Variants in TTC21B observed in about 807,000 individuals in gnomAD.
TTC21B encodes tetratricopeptide repeat domain 21B, also known as tetratricopeptide repeat protein 21B.
TTC21B carries 127 observed loss-of-function variants against 175.1 expected under a neutral mutation model. The ratio of observed to expected loss-of-function variants is 0.73; its 90% CI spans 0.63 to 0.84. The LOEUF is 0.84. Ranked by LOEUF, TTC21B falls within the 40% of genes least tolerant of loss-of-function variation. The pLI is 0.00. For missense variants in TTC21B, 1,561 were observed against 1,558.3 expected, an observed-to-expected ratio of 1.00 and a Z score of -0.03; for synonymous variants, 524 against 524.5, an observed-to-expected ratio of 1.00 and a Z score of 0.01.
chr2:165,898,786 G>A lies in TTC21B; in HGVS notation c.2869-19C>T, dbSNP rs1172294916. ...CCATCATCTATAAAGATAAAAGTTGGTTCTAAAAATATTGCCATGTATTTT... is the reference window on the plus strand; with the variant it reads ...CCATCATCTATAAAGATAAAAGTTGATTCTAAAAATATTGCCATGTATTTT... On this transcript the variant is annotated intron_variant, in intron 21 of 28. Transcript: ENST00000243344. 6.5e-7 allele frequency: 1 copy of A among 1,544,784 alleles called. No individual in the cohort carries two copies. Among genetic ancestry groups the A allele is most frequent in the Non-Finnish European group, 8.9e-7 (1 of 1,117,560 alleles).
chr2:165,942,507 T>G (rs978059808), intron 5 of TTC21B, among the ~76,000 whole-genome samples: 1 of 152,136 alleles, frequency 6.6e-6, no homozygotes, highest in Non-Finnish European at 1.5e-5. Context: ...GCCAAAGGCC[T>G]TACAGAACAG....
intron 1 of TTC21B, among the ~76,000 whole-genome samples, chr2:165,952,376 A>T (rs1229290949): frequency 6.6e-6 from 1 of 152,210 alleles, no homozygotes; most frequent in Non-Finnish European, 1.5e-5. Flanking sequence ...AGCCAATTAG[A>T]TGTGATAGAC....
At chr2:165,900,090 A>G (rs1685506504) in intron 20 of TTC21B, among the ~76,000 whole-genome samples, 1 of 150,616 alleles carries the variant, frequency 6.6e-6, no homozygotes, top group African/African-American at 2.4e-5. Flanking sequence ...AGAAACAGGT[A>G]GTAACTCACT....
Position 165,873,508 on chromosome 2 carries a change from A to G in TTC21B, c.*1247T>C. On this transcript the variant is annotated 3_prime_UTR_variant, in exon 29 of 29. Coordinates refer to ENST00000243344, the MANE Select transcript of TTC21B (RefSeq NM_024753.5). ...TAGATTAGGTTAAATTTAGTGTAAG[A>G]GAGTGAAAGCTTCTATGCCAGGGTG... is the stretch of plus-strand genomic sequence containing the variant. 6.6e-6 allele frequency: 1 copy of G among 152,204 alleles called. No homozygotes were observed. Among genetic ancestry groups the G allele is most frequent in the East Asian group, 1.9e-4 (1 of 5,202 alleles). 9.4% of individuals were successfully genotyped at this position (152,204 alleles called of 1,614,324 possible).
At chr2:165,901,407 G>A (rs113485814) in intron 20 of TTC21B, among the ~76,000 whole-genome samples, 83 of 151,808 alleles carry the variant, frequency 5.5e-4, no homozygotes, top group African/African-American at 1.7e-3. Context: ...CAACCTCTCC[G>A]CCTCCCAGGT....
chr2:165,903,891 G>T (rs1412664476), intron 19 of TTC21B, among the ~76,000 whole-genome samples: 1 of 152,024 alleles, frequency 6.6e-6, no homozygotes, highest in Admixed American at 6.6e-5. Context: ...CTTAAGATTT[G>T]TCTCTTTGTC....
intron 19 of TTC21B, among the ~76,000 whole-genome samples, chr2:165,902,806 G>T (rs1322843506): frequency 6.6e-6 from 1 of 152,176 alleles, no homozygotes; most frequent in Admixed American, 6.5e-5. Flanking sequence ...TAGATAGAAT[G>T]ATCTCTGTCT....
At chr2:165,934,319 C>A (rs993756210) in intron 6 of TTC21B, among the ~76,000 whole-genome samples, 1 of 150,898 alleles carries the variant, frequency 6.6e-6, no homozygotes, top group South Asian at 2.1e-4. Flanking sequence ...AAGAGAAACA[C>A]GGAGAACTCC....
At chr2:165,877,597 T>C (rs1213465092) in intron 27 of TTC21B, among the ~76,000 whole-genome samples, 1 of 152,220 alleles carries the variant, frequency 6.6e-6, no homozygotes, top group Non-Finnish European at 1.5e-5. Context: ...TGTGTAAGTA[T>C]ACTCTAAGAT....
Position 165,912,597 on chromosome 2 carries a change from G to C in TTC21B, c.2239C>G (p.Gln747Glu). The change falls in exon 17 of 29, where the codon CAA becomes GAA. Residue 747 changes from glutamine to glutamate, a missense_variant. Transcript: ENST00000243344. Reference protein sequence around the residue: ...EPEEAIVAYEQALNQNPKDGT... With the variant: ...EPEEAIVAYEEALNQNPKDGT... ...TCTTTCGGGTTCTGATTTAATGCTTGCTCATATGCTACTATGGCTTCTTCA... is the reference window on the plus strand; with the variant it reads ...TCTTTCGGGTTCTGATTTAATGCTTCCTCATATGCTACTATGGCTTCTTCA... The C allele has an allele frequency of 6.2e-7, 1 of 1,614,020 alleles. No individual in the cohort carries two copies. The highest frequency in any genetic ancestry group is 8.5e-7 in the Non-Finnish European group (1 of 1,179,980).
intron 6 of TTC21B, chr2:165,934,179 T>C (rs1335122128): frequency 6.6e-6 from 1 of 151,928 alleles, no homozygotes; most frequent in Admixed American, 6.6e-5. Flanking sequence ...GGAAAGAAAA[T>C]TTTTTTTCCC....
rs79572907 is a variant in TTC21B, at chr2:165,873,550, G to C, written c.*1205C>G. 3.0e-4 allele frequency: 45 copies of C among 152,206 alleles called. No homozygotes were observed. The highest frequency in any genetic ancestry group is 5.3e-4 in the Non-Finnish European group (36 of 68,012). 9.4% of individuals were successfully genotyped at this position (152,206 alleles called of 1,614,324 possible). A position where few individuals can be genotyped will look rare whatever the true frequency, so the allele number is the denominator to read the frequency against. On this transcript the variant is annotated 3_prime_UTR_variant, in exon 29 of 29. Coordinates refer to ENST00000243344, the MANE Select transcript of TTC21B (RefSeq NM_024753.5). ...GCCAGGGTGCTGTTAAACAGAGCTGGGTAAACCGTTGCCTTCACATGGTGT... is the reference window on the plus strand; with the variant it reads ...GCCAGGGTGCTGTTAAACAGAGCTGCGTAAACCGTTGCCTTCACATGGTGT...
intron 12 of TTC21B, 137 bp downstream of exon 12, chr2:165,924,412 A>G (rs1378052028): frequency 9.2e-6 from 7 of 763,486 alleles, no homozygotes; most frequent in Non-Finnish European, 1.4e-5. Flanking sequence ...TTTTGGATTA[A>G]AATTACTTAT....
At position 165,931,755 on chromosome 2, in the gene TTC21B, C is replaced by T. The variant is rs1187084352; in HGVS notation, c.894+3G>A. The T allele has an allele frequency of 6.2e-7, 1 of 1,611,608 alleles. No individual in the cohort carries two copies. Among genetic ancestry groups the T allele is most frequent in the South Asian group, 1.1e-5 (1 of 91,016 alleles). On this transcript the variant is annotated splice_donor_region_variant and intron_variant, in intron 8 of 28. Coordinates refer to ENST00000243344, the MANE Select transcript of TTC21B (RefSeq NM_024753.5). ...AGCTCTGGTACATGGTAGGCACTCT[C>T]ACAGTTCTGCTGAAGGCGAGTGTAA...
rs1685995085 is a variant in TTC21B at position 165,912,607 on chromosome 2, T to C, written c.2229A>G (p.Val743=). The change falls in exon 17 of 29, where the codon GTA becomes GTG. Residue 743 remains valine (V), a synonymous_variant. Transcript: ENST00000243344. ...TCTGATTTAATGCTTGCTCATATGC[T>C]ACTATGGCTTCTTCAGGCTAATATT... ...MNILEPEEAI[V]AYEQALNQNP... The C allele has an allele frequency of 6.2e-7, 1 of 1,614,080 alleles. No homozygotes were observed.
At chr2:165,926,297 T>A (rs1050354527) in intron 11 of TTC21B, among the ~76,000 whole-genome samples, 3 of 152,298 alleles carry the variant, frequency 2.0e-5, no homozygotes, top group Non-Finnish European at 2.9e-5. Flanking sequence ...GATAGAGAAA[T>A]CCATTAAAAC....
chr2:165,888,389 G>A lies in TTC21B; in HGVS notation c.3349C>T (p.Gln1117Ter). ...LLKELKPQTV[Q>*]GHVQLRIMEN... ...ATTATGCGAAGCTGTACGTGACCCTGAACAGTCTGAGGTTTTAGTTCCTTA... is the reference window on the plus strand; with the variant it reads ...ATTATGCGAAGCTGTACGTGACCCTAAACAGTCTGAGGTTTTAGTTCCTTA... Residue 1117 changes from glutamine (Q) to a stop codon, truncating the protein, a stop_gained, in exon 25 of 29, where the codon CAG becomes TAG. Coordinates refer to ENST00000243344, the MANE Select transcript of TTC21B (RefSeq NM_024753.5). LOFTEE classifies it high-confidence loss of function. 2.5e-6 allele frequency: 4 copies of A among 1,613,754 alleles called. No individual in the cohort carries two copies. The highest frequency in any genetic ancestry group is 3.4e-6 in the Non-Finnish European group (4 of 1,179,786).
intron 25 of TTC21B, among the ~76,000 whole-genome samples, chr2:165,887,463 C>T (rs907318049): frequency 2.0e-5 from 3 of 151,878 alleles, no homozygotes; most frequent in African/African-American, 4.8e-5. Flanking sequence ...CCGAGATAGG[C>T]GGATCACCTG....
At position 165,911,350 on chromosome 2, in the gene TTC21B, T is replaced by C. The variant is rs757173651; in HGVS notation, c.2438A>G (p.Gln813Arg). The change falls in exon 18 of 29, where the codon CAG becomes CGG. Residue 813 changes from glutamine (Q) to arginine (R), a missense_variant. By Grantham distance (43) the Gln-to-Arg change is conservative. Transcript: ENST00000243344. The part of the protein sequence containing the change: ...KWYDKAEKVL[Q>R]HALAHEPVNE... Reference sequence around the variant, plus strand: ...ACCAGGTTCATGAGCCAGAGCATGCTGAAGAACTTTTTCTGCTTTGTCATA... The same window carrying C: ...ACCAGGTTCATGAGCCAGAGCATGCCGAAGAACTTTTTCTGCTTTGTCATA... 1 of 1,613,902 alleles carries C rather than the reference T, an allele frequency of 6.2e-7. No homozygotes were observed. Among genetic ancestry groups the C allele is most frequent in the Non-Finnish European group, 8.5e-7 (1 of 1,179,886 alleles).
Sources: allele counts gnomAD v4.1 joint callset (sites outside exome capture counted in the v4.1 genomes callset), GRCh38; gene constraint gnomAD v4.1.1; transcripts MANE v1.5; gene names NCBI Gene and HGNC (gene_info 2026-07-23, HGNC 2026-07-21).